The following REEP1 variants were observed in gnomAD, a reference collection of about 807,000 sequenced individuals.
The protein encoded by REEP1 is receptor expression-enhancing protein 1.
A neutral mutation model predicts 40.3 loss-of-function variants in REEP1; 22 were observed. The ratio of observed to expected loss-of-function variants is 0.55; its 90% CI spans 0.39 to 0.78. The LOEUF is 0.78. Among genes scored for constraint, REEP1 ranks in the 30% least tolerant of loss-of-function variants. The pLI is 0.00. For synonymous variants in REEP1, 116 were observed against 139.2 expected (o/e 0.83, Z 1.17); for missense variants, 280 against 361.1 (o/e 0.78, Z 1.82).
intron 1 of REEP1, among the ~76,000 whole-genome samples, chr2:86,327,599 G>T (rs1384573636): frequency 1.4e-5 from 2 of 146,992 alleles, no homozygotes; most frequent in African/African-American, 2.5e-5. Flanking sequence ...ATGGGGCCTC[G>T]CTCTGCCGCC....
In REEP1 at chr2:86,264,023, A is replaced by T; in HGVS notation, c.124T>A (p.Trp42Arg). Residue 42 changes from tryptophan to arginine, a missense_variant, in exon 3 of 9, where the codon TGG (tryptophan) becomes AGG (arginine). Around this residue, in one of 3 missense-constraint regions of REEP1, gnomAD observed 68 missense variants for 83.7 expected, o/e 0.81. Transcript: ENST00000538924. ...GTGGTGAAAAGTGCAAATATAATCC[A>T]GTACATCATCCATTTGACCTGTTGA... ...IKEYVKWMMY[W>R]IIFALFTTAE... 6.2e-7 allele frequency: 1 copy of T among 1,613,500 alleles called. No individual in the cohort carries two copies. The highest frequency in any genetic ancestry group is 8.5e-7 in the Non-Finnish European group (1 of 1,179,398).
chr2:86,255,733 G>A (rs1264130362), intron 3 of REEP1, among the ~76,000 whole-genome samples: 1 of 152,154 alleles, frequency 6.6e-6, no homozygotes, highest in African/African-American at 2.4e-5. Context: ...AAATAATATA[G>A]AACAGAAACC....
In REEP1 at chr2:86,270,562, G is replaced by A. The variant is rs1351560167; in HGVS notation, c.106-6521C>T. On this transcript the variant is annotated intron_variant, in intron 2 of 8. Transcript: ENST00000538924. ...AGAAAATGTGAATACAATGAGTGGA[G>A]AGATGGGGGATTTCAAGAGAAAGAA... Among the ~76,000 whole-genome samples, 3 of 152,166 alleles carry A rather than the reference G, an allele frequency of 2.0e-5. No homozygotes were observed. The East Asian group carries it at 5.8e-4, about 29-fold the overall frequency.
intron 2 of REEP1, among the ~76,000 whole-genome samples, chr2:86,264,352 A>G (rs969446890): frequency 6.6e-6 from 1 of 152,128 alleles, no homozygotes; most frequent in African/African-American, 2.4e-5. Context: ...ATCAGGGGAG[A>G]AAATGCTCTA....
intron 1 of REEP1, among the ~76,000 whole-genome samples, chr2:86,283,137 G>T (rs2104398937): frequency 6.6e-6 from 1 of 152,232 alleles, no homozygotes; most frequent in South Asian, 2.1e-4. Flanking sequence ...TATTATCAGG[G>T]TGTTCTTTTA....
At chr2:86,241,695 C>T (rs1418040548) in intron 5 of REEP1, among the ~76,000 whole-genome samples, 1 of 152,212 alleles carries the variant, frequency 6.6e-6, no homozygotes, top group African/African-American at 2.4e-5. Context: ...CTAACAGCTG[C>T]ATGACCTTGG....
chr2:86,320,617 G>C (rs1457408709), intron 1 of REEP1, among the ~76,000 whole-genome samples: 1 of 152,124 alleles, frequency 6.6e-6, no homozygotes, highest in Non-Finnish European at 1.5e-5. Context: ...GGAATAAAAA[G>C]GAATTTAAAA....
chr2:86,237,403 G>A (rs1675420432), intron 5 of REEP1, among the ~76,000 whole-genome samples: 1 of 152,234 alleles, frequency 6.6e-6, no homozygotes, highest in South Asian at 2.1e-4. Flanking sequence ...CTGACACGCC[G>A]AGCTGAAAAG....
In REEP1 at chr2:86,252,160, G is replaced by A; in HGVS notation, c.304-90C>T. The stretch of plus-strand genomic sequence containing the variant: ...TTTCCTCTGAGCATTGGGCTTGGCA[G>A]CTTGCCCAATCCTTGTTCTTGCTGG... On this transcript the variant is annotated intron_variant, in intron 4 of 8. Transcript: ENST00000538924. 3 of 972,622 alleles carry A rather than the reference G, an allele frequency of 3.1e-6. No individual in the cohort carries two copies. The South Asian group carries it at 3.9e-5, about 13-fold the overall frequency. The allele number at this position is 972,622 out of a possible 1,614,324, so 60.2% of individuals were successfully genotyped here. A position where few individuals can be genotyped will look rare whatever the true frequency, so the allele number is the denominator to read the frequency against.
rs571495568 is a variant in REEP1, at chr2:86,324,136, A to G, written c.32+13343T>C. Among the ~76,000 whole-genome samples the G allele has an allele frequency of 5.3e-5, 8 of 151,304 alleles. No individual in the cohort carries two copies. In the East Asian group the frequency reaches 1.6e-3, roughly 30 times the overall value. On this transcript the variant is annotated intron_variant, in intron 1 of 8. Transcript: ENST00000538924. The stretch of plus-strand genomic sequence containing the variant: ...CTAGGACACAAAAAGCAAAAACTAT[A>G]AACGAAAAAAAAAATGCTGTCTATT...
chr2:86,321,788 C>A (rs1230488908), intron 1 of REEP1, among the ~76,000 whole-genome samples: 2 of 152,128 alleles, frequency 1.3e-5, no homozygotes, highest in African/African-American at 4.8e-5. Flanking sequence ...TTGAGAGTGA[C>A]AAAATATATT....
intron 1 of REEP1, among the ~76,000 whole-genome samples, chr2:86,289,697 C>T (rs1416466349): frequency 6.6e-6 from 1 of 152,112 alleles, no homozygotes; most frequent in Admixed American, 6.5e-5. Flanking sequence ...CTCATGTCTT[C>T]TTTAATGTCT....
intron 1 of REEP1, among the ~76,000 whole-genome samples, chr2:86,286,736 CATA>C (rs1174159898): frequency 6.6e-6 from 1 of 152,158 alleles, no homozygotes; most frequent in Non-Finnish European, 1.5e-5. Flanking sequence ...TGACCTAGGG[CATA>C]ACTACAAGCT....
chr2:86,337,056 G>C lies in REEP1; in HGVS notation c.32+423C>G, dbSNP rs1681079369. 2.0e-5 allele frequency: 3 copies of C among 152,830 alleles called. No individual in the cohort carries two copies. Among genetic ancestry groups the C allele is most frequent in the African/African-American group, 7.2e-5 (3 of 41,496 alleles). The allele number at this position is 152,830 out of a possible 1,614,324, so 9.5% of individuals were successfully genotyped here. ...TTCGTCTGCGCTGTCCTTTCCACCT[G>C]ACAAAAGCTGGGGCGGCGGGGCGCG... On this transcript the variant is annotated intron_variant, in intron 1 of 8. Coordinates refer to ENST00000538924, the MANE Select transcript of REEP1 (RefSeq NM_001371279.1). This position sits in a 1 kb window ranked among gnomAD's most constrained non-coding sequence, Gnocchi z 5.8.
At chr2:86,282,072 T>C in intron 2 of REEP1, 98 bp downstream of exon 2, 1 of 828,454 alleles carries the variant, frequency 1.2e-6, no homozygotes. Context: ...TTTTCCCTGC[T>C]TCCAGTGCCC....
At chr2:86,312,426 C>T (rs1679806534) in intron 1 of REEP1, among the ~76,000 whole-genome samples, 1 of 152,156 alleles carries the variant, frequency 6.6e-6, no homozygotes, top group South Asian at 2.1e-4. Context: ...ATCTCATTGC[C>T]CTGCACTATA....
intron 3 of REEP1, among the ~76,000 whole-genome samples, chr2:86,257,636 CT>C (rs58647410): frequency 0.46 from 60,866 of 133,570 alleles, 13,713 homozygotes; most frequent in African/African-American, 0.61. Flanking sequence ...CCTCACTCAT[CT>C]TTTTTTTTTT....
intron 5 of REEP1, among the ~76,000 whole-genome samples, chr2:86,244,513 T>A (rs935176050): frequency 5.9e-5 from 9 of 152,190 alleles, no homozygotes; most frequent in African/African-American, 2.2e-4. Flanking sequence ...GCCAAGTGCC[T>A]GAGTTTTAGA....
intron 1 of REEP1, among the ~76,000 whole-genome samples, chr2:86,317,215 A>G (rs1466182362): frequency 1.3e-5 from 2 of 152,218 alleles, no homozygotes; most frequent in African/African-American, 2.4e-5. Flanking sequence ...CAAAAGACAT[A>G]ACAGCCAAAT....
Sources: allele counts gnomAD v4.1 joint callset (sites outside exome capture counted in the v4.1 genomes callset), GRCh38; gene constraint gnomAD v4.1.1; regional missense constraint gnomAD v4.1.1; non-coding constraint Gnocchi (gnomAD v3.1); transcripts MANE v1.5; gene names NCBI Gene and HGNC (gene_info 2026-07-23, HGNC 2026-07-21).